Variants in HECTD2 observed in about 807,000 individuals in gnomAD.
HECTD2 encodes HECT domain E3 ubiquitin protein ligase 2, also known as probable E3 ubiquitin-protein ligase HECTD2.
A neutral mutation model predicts 103.2 loss-of-function variants in HECTD2; 35 were observed. The ratio of observed to expected loss-of-function variants is 0.34; its 90% CI spans 0.26 to 0.45. The LOEUF is 0.45. Among genes scored for constraint, HECTD2 ranks in the 20% least tolerant of loss-of-function variants. The probability of loss-of-function intolerance (pLI) is 1.00; values close to 1 mark genes in which losing one functional copy is unlikely to be tolerated. For missense variants in HECTD2, 596 were observed against 937.4 expected, an observed-to-expected ratio of 0.64 and a Z score of 4.76; for synonymous variants, 281 against 329.9, an observed-to-expected ratio of 0.85 and a Z score of 1.61.
At chr10:91,499,957 TTTTG>T (rs1158384527) in intron 18 of HECTD2, among the ~76,000 whole-genome samples, 26 of 152,154 alleles carry the variant, frequency 1.7e-4, no homozygotes, top group Non-Finnish European at 3.2e-4. Context: ...TCTAGTTAAG[TTTTG>T]TTTATGACAC....
At chr10:91,505,404 C>T (rs1487861965) in intron 20 of HECTD2, among the ~76,000 whole-genome samples, 1 of 151,992 alleles carries the variant, frequency 6.6e-6, no homozygotes, top group Non-Finnish European at 1.5e-5. Context: ...CACACATAGG[C>T]TCAAAATAAA....
intron 20 of HECTD2, among the ~76,000 whole-genome samples, chr10:91,501,813 A>G (rs998424703): frequency 6.6e-6 from 1 of 151,784 alleles, no homozygotes; most frequent in Non-Finnish European, 1.5e-5. Context: ...TTGTATATGA[A>G]GTGATGGTGA....
intron 20 of HECTD2, among the ~76,000 whole-genome samples, chr10:91,508,465 A>G (rs988889814): frequency 2.6e-5 from 4 of 151,604 alleles, no homozygotes; most frequent in African/African-American, 4.9e-5. Flanking sequence ...TGGGCGAAGG[A>G]CATGAACAGA....
chr10:91,464,412 G>T (rs1234717334), intron 5 of HECTD2, among the ~76,000 whole-genome samples: 1 of 152,122 alleles, frequency 6.6e-6, no homozygotes, highest in Non-Finnish European at 1.5e-5. Context: ...TTTTACCAAG[G>T]TATTTCACTG....
chr10:91,463,993 G>A (rs1211890037), intron 5 of HECTD2, among the ~76,000 whole-genome samples: 1 of 151,928 alleles, frequency 6.6e-6, no homozygotes, highest in Non-Finnish European at 1.5e-5. Flanking sequence ...TTGAATTTAA[G>A]TCGTTTTTTG....
chr10:91,450,902 T>A (rs1169395065), intron 2 of HECTD2, among the ~76,000 whole-genome samples: 2 of 152,168 alleles, frequency 1.3e-5, no homozygotes, highest in Non-Finnish European at 2.9e-5. Flanking sequence ...TAGGAATGCT[T>A]TTACACTGTT....
intron 2 of HECTD2, among the ~76,000 whole-genome samples, chr10:91,430,017 G>A (rs1230577362): frequency 1.3e-5 from 2 of 152,128 alleles, no homozygotes; most frequent in African/African-American, 4.8e-5. Flanking sequence ...TGGGCATTTA[G>A]TGCTATAAAT....
At chr10:91,479,654 C>T (rs965862114) in intron 6 of HECTD2, among the ~76,000 whole-genome samples, 6 of 152,182 alleles carry the variant, frequency 3.9e-5, no homozygotes, top group African/African-American at 1.4e-4. Context: ...GTACAAAAAT[C>T]TTCTTTTCTG....
intron 18 of HECTD2, among the ~76,000 whole-genome samples, chr10:91,499,481 C>T (rs949551734): frequency 6.6e-6 from 1 of 152,096 alleles, no homozygotes; most frequent in Admixed American, 6.6e-5. Context: ...ACATGTAGCT[C>T]CAGGGTAAAA....
intron 5 of HECTD2, among the ~76,000 whole-genome samples, chr10:91,470,271 G>T (rs940885035): frequency 6.6e-6 from 1 of 152,088 alleles, no homozygotes; most frequent in Non-Finnish European, 1.5e-5. Context: ...ACATTCTTCT[G>T]AACTGTACAT....
At chr10:91,430,947 G>A (rs376230143) in intron 2 of HECTD2, among the ~76,000 whole-genome samples, 3 of 150,726 alleles carry the variant, frequency 2.0e-5, no homozygotes, top group African/African-American at 4.9e-5. Context: ...TATTTTGCTC[G>A]TTAGTTGATG....
chr10:91,496,891 T>C (rs553676446), intron 15 of HECTD2, among the ~76,000 whole-genome samples: 26 of 151,896 alleles, frequency 1.7e-4, no homozygotes, highest in Admixed American at 5.9e-4. Context: ...TTTTGAAATA[T>C]TGGATCAATT....
intron 5 of HECTD2, chr10:91,463,639 A>G (rs1011419486): frequency 6.6e-6 from 1 of 152,204 alleles, no homozygotes; most frequent in African/African-American, 2.4e-5. Flanking sequence ...CTCTTTCACA[A>G]TTGTGAATAA....
intron 19 of HECTD2, among the ~76,000 whole-genome samples, chr10:91,500,936 T>G (rs1002217964): frequency 8.5e-5 from 13 of 152,148 alleles, no homozygotes; most frequent in Non-Finnish European, 1.5e-4. Context: ...AAAATAAGAC[T>G]TGAAAGTTAT....
intron 1 of HECTD2, among the ~76,000 whole-genome samples, chr10:91,421,516 A>C (rs1049760569): frequency 6.6e-6 from 1 of 152,232 alleles, no homozygotes; most frequent in Admixed American, 6.5e-5. Flanking sequence ...AAATCACAAA[A>C]AAAATTTATA....
At position 91,496,218 on chromosome 10, in the gene HECTD2, T is replaced by C; in HGVS notation, c.1526T>C (p.Met509Thr). 2 of 1,608,544 alleles carry C rather than the reference T, an allele frequency of 1.2e-6. No homozygotes were observed. The highest frequency in any genetic ancestry group is 1.1e-5 in the South Asian group (1 of 90,006). Residue 509 changes from methionine to threonine, a missense_variant, in exon 15 of 21, where the codon ATG (methionine) becomes ACG (threonine). Met to Thr is a moderately conservative substitution (Grantham distance 81). Coordinates refer to ENST00000298068, the MANE Select transcript of HECTD2 (RefSeq NM_182765.6). ...CTTAACATTTAGTATGCATAGCTTATGGGACTAGCTGTTTATAACAGCATC... is the reference window on the plus strand; with the variant it reads ...CTTAACATTTAGTATGCATAGCTTACGGGACTAGCTGTTTATAACAGCATC... ...YSEFRLVGILMGLAVYNSITL... is the reference protein window; with the variant it reads ...YSEFRLVGILTGLAVYNSITL...
Position 91,512,680 on chromosome 10 carries a change from A to C in HECTD2, c.*296A>C, listed in dbSNP as rs906244748. The C allele has an allele frequency of 7.1e-6, 2 of 280,696 alleles. No homozygotes were observed. The highest frequency in any genetic ancestry group is 2.2e-5 in the African/African-American group (1 of 45,790). The allele number at this position is 280,696 out of a possible 1,614,324, so 17.4% of individuals were successfully genotyped here. On this transcript the variant is annotated 3_prime_UTR_variant, in exon 21 of 21. Coordinates refer to ENST00000298068, the MANE Select transcript of HECTD2 (RefSeq NM_182765.6). ...ACAAGTAGTTTGTCACAGGCATTCC[A>C]CTGGGAAAGCAAAGTACAGTGAAGA...
chr10:91,501,684 T>G (rs1846905587), intron 20 of HECTD2, among the ~76,000 whole-genome samples: 2 of 152,026 alleles, frequency 1.3e-5, no homozygotes, highest in African/African-American at 4.8e-5. Context: ...ATCATTAAGT[T>G]GGGATATCTG....
intron 8 of HECTD2, chr10:91,484,294 CTT>C (rs1846191827): frequency 9.0e-7 from 1 of 1,116,966 alleles, no homozygotes; most frequent in African/African-American, 1.6e-5. Flanking sequence ...TTGTTACTAA[CTT>C]TATAGTAATT....
Sources: allele counts gnomAD v4.1 joint callset (sites outside exome capture counted in the v4.1 genomes callset), GRCh38; gene constraint gnomAD v4.1.1; transcripts MANE v1.5; gene names NCBI Gene and HGNC (gene_info 2026-07-23, HGNC 2026-07-21).